Variants in PCDHGA3 observed in about 807,000 individuals in gnomAD.
PCDHGA3 encodes protocadherin gamma-A3.
PCDHGA3 carries 40 observed loss-of-function variants against 58.5 expected under a neutral mutation model. The observed-to-expected ratio is 0.68, with a 90% CI of 0.53 to 0.89. The LOEUF (loss-of-function observed/expected upper bound fraction) is 0.89. Ranked by LOEUF, PCDHGA3 falls within the 40% of genes least tolerant of loss-of-function variation. The pLI is 0.00. For synonymous variants in PCDHGA3, 530 were observed against 525.7 expected, an observed-to-expected ratio of 1.01 and a Z score of -0.11; for missense variants, 1,223 against 1,195.9, an observed-to-expected ratio of 1.02 and a Z score of -0.33.
intron 1 of PCDHGA3, chr5:141,409,447 AC>A (rs779658060): frequency 1.4e-4 from 222 of 1,613,890 alleles, no homozygotes; most frequent in Non-Finnish European, 1.8e-4. Context: ...GAGAGCAGAC[AC>A]CAGAATACAA....
intron 1 of PCDHGA3, among the ~76,000 whole-genome samples, chr5:141,358,630 G>A (rs1355108654): frequency 6.6e-6 from 1 of 152,190 alleles, no homozygotes; most frequent in Non-Finnish European, 1.5e-5. Context: ...GCTAATTTCA[G>A]TCATATATAA....
intron 1 of PCDHGA3, chr5:141,423,558 G>T: frequency 1.2e-6 from 2 of 1,613,580 alleles, no homozygotes; most frequent in Non-Finnish European, 1.7e-6. Context: ...CCAACTATGG[G>T]GACACGCTCA....
intron 1 of PCDHGA3, chr5:141,351,680 G>A: frequency 1.9e-6 from 3 of 1,613,972 alleles, no homozygotes; most frequent in South Asian, 2.2e-5. Context: ...AAGCGCCTCC[G>A]ACCCGGATTT....
In PCDHGA3 at chr5:141,485,115, G is replaced by A. The variant is rs1043877839; in HGVS notation, c.2425-9692G>A. 6.9e-6 allele frequency: 9 copies of A among 1,300,470 alleles called. No individual in the cohort carries two copies. Among genetic ancestry groups the A allele is most frequent in the Non-Finnish European group, 1.1e-6 (1 of 911,406 alleles). 80.6% of individuals were successfully genotyped at this position (1,300,470 alleles called of 1,614,324 possible). ...GTGTCTCCAGCTGCTGTGGCTGTTT[G>A]GGGCGGGTCGGCTTCATCCGCGTCT... On this transcript the variant is annotated intron_variant, in intron 1 of 3. Coordinates refer to ENST00000253812, the MANE Select transcript of PCDHGA3 (RefSeq NM_018916.4). The surrounding 1 kb of genome is among the most constrained non-coding windows in gnomAD (Gnocchi z 5.7).
At chr5:141,401,833 TATA>T (rs947293983) in intron 1 of PCDHGA3, among the ~76,000 whole-genome samples, 12 of 152,238 alleles carry the variant, frequency 7.9e-5, no homozygotes, top group African/African-American at 2.9e-4. Context: ...TGAGATTTCT[TATA>T]ATACCACTTA....
intron 1 of PCDHGA3, among the ~76,000 whole-genome samples, chr5:141,458,112 A>C (rs2098937913): frequency 6.6e-6 from 1 of 152,208 alleles, no homozygotes; most frequent in Non-Finnish European, 1.5e-5. Context: ...ATAGTCTCCA[A>C]ATTTTAGAGG....
At chr5:141,406,072 C>CT (rs530474569) in intron 1 of PCDHGA3, among the ~76,000 whole-genome samples, 26,413 of 141,282 alleles carry the variant, frequency 0.19, 2,878 homozygotes, top group African/African-American at 0.31. Context: ...ATTCTTACTC[C>CT]TTTTTTTTTT....
At position 141,386,477 on chromosome 5, in the gene PCDHGA3, G is replaced by A. The variant is rs78371655; in HGVS notation, c.2424+40020G>A. ...GACAGCTTGAACCCAAGAATTGGAG[G>A]CCCACCTAGATAATATAACAAGACT... is the stretch of plus-strand genomic sequence containing the variant. On this transcript the variant is annotated intron_variant, in intron 1 of 3. Coordinates refer to ENST00000253812, the MANE Select transcript of PCDHGA3 (RefSeq NM_018916.4). Among the ~76,000 whole-genome samples the A allele has an allele frequency of 2.5e-3, 384 of 151,668 alleles. 1 individual carries two copies. Among genetic ancestry groups the A allele is most frequent in the African/African-American group, 8.8e-3 (362 of 41,292 alleles).
intron 1 of PCDHGA3, chr5:141,370,780 A>T (rs1185164104): frequency 6.2e-7 from 1 of 1,613,990 alleles, no homozygotes; most frequent in Non-Finnish European, 8.5e-7. Context: ...ATTAACGACA[A>T]CCCACCGACC....
chr5:141,399,660 C>T (rs988885728), intron 1 of PCDHGA3: 2 of 1,613,654 alleles, frequency 1.2e-6, no homozygotes, highest in East Asian at 2.2e-5. Context: ...GGGTGGTGTT[C>T]GCGCAGCGCG....
intron 2 of PCDHGA3, among the ~76,000 whole-genome samples, chr5:141,501,092 C>A: frequency 6.6e-6 from 1 of 152,118 alleles, no homozygotes; most frequent in East Asian, 1.9e-4. Flanking sequence ...TGGTCTCAAT[C>A]TCTTGACCTC....
At chr5:141,384,522 T>G (rs1251146864) in intron 1 of PCDHGA3, 2 of 1,614,074 alleles carry the variant, frequency 1.2e-6, no homozygotes, top group East Asian at 2.2e-5. Context: ...GGGACCCGCC[T>G]CTCAGCAGCA....
rs766042374 is a variant in PCDHGA3 at position 141,418,520 on chromosome 5, C to A, written c.2424+72063C>A. ...GACCGCCTTAGATGGTGGGGACCCTCCCCGAAGCGGTACTGCTCAGATAAG... is the reference window on the plus strand; with the variant it reads ...GACCGCCTTAGATGGTGGGGACCCTACCCGAAGCGGTACTGCTCAGATAAG... On this transcript the variant is annotated intron_variant, in intron 1 of 3. Transcript: ENST00000253812. 6 of 1,613,818 alleles carry A rather than the reference C, an allele frequency of 3.7e-6. No individual in the cohort carries two copies. The highest frequency in any genetic ancestry group is 5.1e-6 in the Non-Finnish European group (6 of 1,179,890).
intron 1 of PCDHGA3, chr5:141,418,509 G>T: frequency 6.2e-7 from 1 of 1,613,986 alleles, no homozygotes; most frequent in Non-Finnish European, 8.5e-7. Flanking sequence ...GCCTTAGATG[G>T]TGGGGACCCT....
In PCDHGA3 at chr5:141,352,279, C is replaced by G. The variant is rs757239425; in HGVS notation, c.2424+5822C>G. Reference sequence around the variant, plus strand: ...AAGAGGTATTGCCAGACCTCAGCGACCGCCCTGAGCCCTCTGACCCCCAGA... The same window carrying G: ...AAGAGGTATTGCCAGACCTCAGCGAGCGCCCTGAGCCCTCTGACCCCCAGA... On this transcript the variant is annotated intron_variant, in intron 1 of 3. Coordinates refer to ENST00000253812, the MANE Select transcript of PCDHGA3 (RefSeq NM_018916.4). 1.4e-4 allele frequency: 218 copies of G among 1,613,962 alleles called. No homozygotes were observed. Among genetic ancestry groups the G allele is most frequent in the Non-Finnish European group, 1.8e-4 (212 of 1,179,914 alleles).
At chr5:141,372,140 A>C in intron 1 of PCDHGA3, 1 of 1,613,766 alleles carries the variant, frequency 6.2e-7, no homozygotes, top group Non-Finnish European at 8.5e-7. Context: ...CGCGCTCTGC[A>C]GAGCCTGGCT....
chr5:141,366,863 C>T, intron 1 of PCDHGA3: 2 of 1,430,882 alleles, frequency 1.4e-6, no homozygotes, highest in African/African-American at 1.4e-5. Flanking sequence ...ACATTATTTG[C>T]TGTATTGGAG....
chr5:141,427,832 T>C, intron 1 of PCDHGA3: 1 of 1,540,264 alleles, frequency 6.5e-7, no homozygotes, highest in Non-Finnish European at 8.9e-7. Flanking sequence ...TCGCGCAGCG[T>C]GCCTTCGACC....
At chr5:141,358,113 C>G (rs1434059744) in intron 1 of PCDHGA3, among the ~76,000 whole-genome samples, 1 of 152,208 alleles carries the variant, frequency 6.6e-6, no homozygotes, top group Admixed American at 6.5e-5. Flanking sequence ...TTGCTTGAAC[C>G]TGGGAGGCAG....
Sources: allele counts gnomAD v4.1 joint callset (sites outside exome capture counted in the v4.1 genomes callset), GRCh38; gene constraint gnomAD v4.1.1; non-coding constraint Gnocchi (gnomAD v3.1); transcripts MANE v1.5; gene names NCBI Gene and HGNC (gene_info 2026-07-23, HGNC 2026-07-21).